The following TRRAP variants were observed in gnomAD, a reference collection of about 807,000 sequenced individuals.
TRRAP encodes transformation/transcription domain-associated protein.
TRRAP carries 41 observed loss-of-function variants against 438.8 expected under a neutral mutation model. That is an observed-to-expected ratio of 0.09 (90% CI 0.07 to 0.12). The LOEUF (loss-of-function observed/expected upper bound fraction) is 0.12. Among genes scored for constraint, TRRAP ranks in the 10% least tolerant of loss-of-function variants. The probability of loss-of-function intolerance (pLI) is 1.00; values close to 1 mark genes in which losing one functional copy is unlikely to be tolerated. For synonymous variants in TRRAP, 1,994 were observed against 1,962.9 expected (o/e 1.02, Z -0.42); for missense variants, 3,122 against 5,055.1 (o/e 0.62, Z 11.60).
chr7:98,987,186 A>G (rs1490654484), intron 62 of TRRAP, among the ~76,000 whole-genome samples: 1 of 152,202 alleles, frequency 6.6e-6, no homozygotes, highest in East Asian at 1.9e-4. Context: ...TCTCACTTCT[A>G]TTCCATTGAT....
At chr7:99,000,314 T>C (rs1793858682) in intron 67 of TRRAP, among the ~76,000 whole-genome samples, 1 of 152,156 alleles carries the variant, frequency 6.6e-6, no homozygotes, top group Non-Finnish European at 1.5e-5. Context: ...GCCATGTATT[T>C]CAGTTTAGAG....
At chr7:98,977,351 G>A (rs1009086857) in intron 56 of TRRAP, among the ~76,000 whole-genome samples, 3 of 152,138 alleles carry the variant, frequency 2.0e-5, no homozygotes, top group Admixed American at 6.5e-5. Context: ...TAGTAGAGAC[G>A]GGGTTTTGCC....
chr7:98,953,090 T>A, intron 39 of TRRAP, 77 bp from the exon 40 acceptor site: 8 of 1,483,156 alleles, frequency 5.4e-6, no homozygotes, highest in Admixed American at 1.9e-5. Context: ...TTTTTAAGGC[T>A]TAAACCTGTC....
chr7:98,891,211 T>A (rs5017014), intron 4 of TRRAP, among the ~76,000 whole-genome samples: 42,392 of 85,006 alleles, frequency 0.5, 10,064 homozygotes, highest in South Asian at 0.68. Context: ...ATATTTTTTT[T>A]TTTTTTTTTT....
chr7:98,897,591 T>C (rs1554405948), intron 7 of TRRAP, 150 bp from the exon 8 acceptor site: 2 of 1,013,336 alleles, frequency 2.0e-6, no homozygotes, highest in Non-Finnish European at 2.8e-6. Flanking sequence ...GCCTAAATAC[T>C]GTGGAGTTGG....
At position 98,983,413 on chromosome 7, in the gene TRRAP, G is replaced by C. The variant is rs747854999; in HGVS notation, c.8976G>C (p.Leu2992Phe). ...RNRLPIVSDD[L>F]SHWSSIFMWR... ...GACTGCCCATCGTGTCTGACGACTT[G>C]TCCCACTGGAGCAGCATCTTCATGT... Residue 2992 changes from leucine (L) to phenylalanine (F), a missense_variant, in exon 60 of 73, where the codon TTG becomes TTC. Around this residue, in one of 24 missense-constraint regions of TRRAP, gnomAD observed 129 missense variants for 279.2 expected, o/e 0.46. Coordinates refer to ENST00000456197, the MANE Select transcript of TRRAP (RefSeq NM_001375524.1). The C allele has an allele frequency of 6.2e-7, 1 of 1,614,068 alleles. No individual in the cohort carries two copies. The highest frequency in any genetic ancestry group is 1.3e-5 in the African/African-American group (1 of 74,906).
intron 31 of TRRAP, among the ~76,000 whole-genome samples, chr7:98,944,962 A>G (rs963564695): frequency 4.8e-4 from 73 of 152,022 alleles, no homozygotes; most frequent in East Asian, 5.8e-4. Flanking sequence ...CTGACACCAC[A>G]TCCAGCTCAT....
In TRRAP at chr7:98,908,981, G is replaced by A; in HGVS notation, c.1350+19G>A. On this transcript the variant is annotated intron_variant, in intron 14 of 72. Transcript: ENST00000456197. This position sits in a 1 kb window ranked among gnomAD's most constrained non-coding sequence, Gnocchi z 4.1. ...GCTGGAGGTACCAGCTCTTCTGAGA[G>A]TATCATCCATCCTGCACTCTATCCT... The A allele has an allele frequency of 1.3e-6, 2 of 1,558,028 alleles. No individual in the cohort carries two copies. Among genetic ancestry groups the A allele is most frequent in the Non-Finnish European group, 1.8e-6 (2 of 1,133,108 alleles).
chr7:99,004,091 C>G, intron 67 of TRRAP, 99 bp from the exon 68 acceptor site: 1 of 1,168,014 alleles, frequency 8.6e-7, no homozygotes, highest in East Asian at 2.4e-5. Flanking sequence ...ACAAACAAAA[C>G]ATGTAATTCG....
At position 98,978,203 on chromosome 7, in the gene TRRAP, T is replaced by C. The variant is rs1562968857; in HGVS notation, c.8386-8T>C. ...AAACAGTGATTTAAAAACATTAACT[T>C]TTTTTAGGCACAAGAATCCTATGAA... On this transcript the variant is annotated splice_region_variant and splice_polypyrimidine_tract_variant and intron_variant, in intron 56 of 72. Coordinates refer to ENST00000456197, the MANE Select transcript of TRRAP (RefSeq NM_001375524.1). 6.2e-7 allele frequency: 1 copy of C among 1,607,712 alleles called. No homozygotes were observed. The highest frequency in any genetic ancestry group is 8.5e-7 in the Non-Finnish European group (1 of 1,176,892).
rs751113296 is a variant in TRRAP at position 98,976,498 on chromosome 7, A to G, written c.7975A>G (p.Ile2659Val). 5.6e-6 allele frequency: 9 copies of G among 1,610,604 alleles called. No homozygotes were observed. The East Asian group carries it at 1.6e-4, about 28-fold the overall frequency. The change falls in exon 55 of 73, where the codon ATA (isoleucine) becomes GTA (valine). Residue 2659 changes from isoleucine to valine, a missense_variant. Physicochemically the swap from Ile to Val is conservative, Grantham distance 29. Around this residue, in one of 24 missense-constraint regions of TRRAP, gnomAD observed 992 missense variants for 1,281.2 expected, o/e 0.77. Coordinates refer to ENST00000456197, the MANE Select transcript of TRRAP (RefSeq NM_001375524.1). This position sits in a 1 kb window ranked among gnomAD's most constrained non-coding sequence, Gnocchi z 4.6. ...TTGGTTTCAGGCACTCGCGGGTGAG[A>G]TAAGTCCATTTCTGTGCAGCGGCAG... is the stretch of plus-strand genomic sequence containing the variant. Reference protein sequence around the residue: ...DRQQHALAGEISPFLCSGSHQ... With the variant: ...DRQQHALAGEVSPFLCSGSHQ...
chr7:98,884,776 C>A (rs1795616542), intron 3 of TRRAP, among the ~76,000 whole-genome samples: 1 of 152,152 alleles, frequency 6.6e-6, no homozygotes, highest in African/African-American at 2.4e-5. Flanking sequence ...CTTGCTGAAC[C>A]CCAGTTGGAA....
At chr7:98,882,649 C>T (rs543372258) in intron 3 of TRRAP, among the ~76,000 whole-genome samples, 1 of 151,168 alleles carries the variant, frequency 6.6e-6, no homozygotes, top group South Asian at 2.1e-4. Flanking sequence ...AGGCGTGAGC[C>T]ACCTCACCTG....
At chr7:98,973,388 G>T (rs41646) in intron 53 of TRRAP, among the ~76,000 whole-genome samples, 5 of 152,050 alleles carry the variant, frequency 3.3e-5, no homozygotes, top group African/African-American at 1.2e-4. Context: ...CAGGTGCCTG[G>T]GCCTCAGTTT....
At chr7:98,973,825 T>C (rs564629463) in intron 53 of TRRAP, among the ~76,000 whole-genome samples, 2 of 152,326 alleles carry the variant, frequency 1.3e-5, no homozygotes, top group East Asian at 3.9e-4. Context: ...CTGAGCCTGG[T>C]GTGCCGCCCA....
chr7:98,898,058 G>C (rs977569504), intron 8 of TRRAP, among the ~76,000 whole-genome samples, 192 bp downstream of exon 8: 1 of 152,186 alleles, frequency 6.6e-6, no homozygotes, highest in Admixed American at 6.5e-5. Context: ...TTGATGCCAG[G>C]CTAGAAAGAT....
At chr7:98,889,045 C>CTTTTTTTTTTTTTTTTTTTTTTTTTT in intron 3 of TRRAP, among the ~76,000 whole-genome samples, 1 of 82,438 alleles carries the variant, frequency 1.2e-5, no homozygotes, top group Non-Finnish European at 2.5e-5. Flanking sequence ...CAAAACTTTA[C>CTTTTTTTTTTTTTTTTTTTTTTTTTT]TTTTTTTTTT....
chr7:98,997,292 A>G (rs547944628), intron 67 of TRRAP, among the ~76,000 whole-genome samples: 2 of 152,080 alleles, frequency 1.3e-5, no homozygotes, highest in African/African-American at 4.8e-5. Flanking sequence ...GGCAACAGTG[A>G]GACTCTGTCT....
chr7:98,919,918 C>T (rs1308125745), intron 20 of TRRAP, among the ~76,000 whole-genome samples: 1 of 152,184 alleles, frequency 6.6e-6, no homozygotes, highest in Admixed American at 6.5e-5. Flanking sequence ...GCCATGCGAG[C>T]ACAGCAGGAG....
Sources: allele counts gnomAD v4.1 joint callset (sites outside exome capture counted in the v4.1 genomes callset), GRCh38; gene constraint gnomAD v4.1.1; regional missense constraint gnomAD v4.1.1; non-coding constraint Gnocchi (gnomAD v3.1); transcripts MANE v1.5; gene names NCBI Gene and HGNC (gene_info 2026-07-23, HGNC 2026-07-21).